Variants in NPAS2 observed in about 807,000 individuals in gnomAD.
NPAS2 encodes neuronal PAS domain-containing protein 2.
NPAS2 carries 23 observed loss-of-function variants against 107.5 expected under a neutral mutation model. The observed-to-expected ratio is 0.21, with a 90% confidence interval of 0.15 to 0.30. The LOEUF (loss-of-function observed/expected upper bound fraction) is 0.30, where lower values mean the gene tolerates loss of function less well. Ranked by LOEUF, NPAS2 falls within the 10% of genes least tolerant of loss-of-function variation. The pLI, the probability that NPAS2 is intolerant of heterozygous loss-of-function variation, is 1.00. For synonymous variants in NPAS2, 403 were observed against 417.5 expected (o/e 0.97, Z 0.42); for missense variants, 756 against 1,043.3 (o/e 0.72, Z 3.79).
rs940989938 is a variant in NPAS2 at position 100,964,052 on chromosome 2, C to G, written c.599-6C>G. On this transcript the variant is annotated splice_polypyrimidine_tract_variant and splice_region_variant and intron_variant, in intron 7 of 20. Coordinates refer to ENST00000335681, the MANE Select transcript of NPAS2 (RefSeq NM_002518.4). ...CCTATGTGTCCTCTTCTTCCCAACCCCCCAGTGCCTAGCCCCTCCTGTAAT... is the reference window on the plus strand; with the variant it reads ...CCTATGTGTCCTCTTCTTCCCAACCGCCCAGTGCCTAGCCCCTCCTGTAAT... The G allele has an allele frequency of 1.3e-6, 2 of 1,596,978 alleles. No individual in the cohort carries two copies. The highest frequency in any genetic ancestry group is 8.6e-7 in the Non-Finnish European group (1 of 1,164,268).
In NPAS2 at chr2:100,968,054, A is replaced by G. The variant is rs1676333522; in HGVS notation, c.908-227A>G. ...CTGCCCTTATCTGAGGATCTCTTTAAGCGTCTGAGCATTTGGGAAAGTATA... is the reference window on the plus strand; with the variant it reads ...CTGCCCTTATCTGAGGATCTCTTTAGGCGTCTGAGCATTTGGGAAAGTATA... On this transcript the variant is annotated intron_variant, in intron 10 of 20. Coordinates refer to ENST00000335681, the MANE Select transcript of NPAS2 (RefSeq NM_002518.4). This position sits in a 1 kb window ranked among gnomAD's most constrained non-coding sequence, Gnocchi z 5.3. Among the ~76,000 whole-genome samples the G allele has an allele frequency of 6.6e-6, 1 of 152,186 alleles. No homozygotes were observed. The highest frequency in any genetic ancestry group is 1.5e-5 in the Non-Finnish European group (1 of 68,036).
In NPAS2 at chr2:100,935,343, C is replaced by T. The variant is rs144151550; in HGVS notation, c.273+2342C>T. On this transcript the variant is annotated intron_variant, in intron 4 of 20. Transcript: ENST00000335681. Reference sequence around the variant, plus strand: ...AGGAATTTGCAGAAAGGGAAGGTTTCGTTTCCCTCTAATGTGTGGCGGTTA... The same window carrying T: ...AGGAATTTGCAGAAAGGGAAGGTTTTGTTTCCCTCTAATGTGTGGCGGTTA... Among the ~76,000 whole-genome samples, 91 of 152,348 alleles carry T rather than the reference C, an allele frequency of 6.0e-4. No individual in the cohort carries two copies. The East Asian group carries it at 0.014, about 23-fold the overall frequency.
chr2:100,903,035 T>G (rs1037640868), intron 1 of NPAS2, among the ~76,000 whole-genome samples: 10 of 152,220 alleles, frequency 6.6e-5, no homozygotes, highest in Non-Finnish European at 1.5e-4. Flanking sequence ...ATTAGTCATT[T>G]TTAGATGTTT....
chr2:100,908,588 C>T (rs1221347716), intron 2 of NPAS2, among the ~76,000 whole-genome samples: 1 of 152,274 alleles, frequency 6.6e-6, no homozygotes, highest in East Asian at 1.9e-4. Context: ...GATAGGAATT[C>T]TTGCTTTCCA....
intron 1 of NPAS2, among the ~76,000 whole-genome samples, chr2:100,833,542 G>C (rs950052230): frequency 3.3e-5 from 5 of 152,162 alleles, no homozygotes; most frequent in African/African-American, 1.2e-4. Flanking sequence ...AACATGAAGT[G>C]GGGGAAGTGA....
intron 16 of NPAS2, chr2:100,982,603 A>T: frequency 1.7e-6 from 1 of 575,394 alleles, no homozygotes; most frequent in Non-Finnish European, 3.1e-6. Flanking sequence ...CTCGCCCCTC[A>T]CTCTGACAGG....
intron 1 of NPAS2, among the ~76,000 whole-genome samples, chr2:100,841,390 G>A (rs1247526036): frequency 3.3e-5 from 5 of 152,158 alleles, no homozygotes; most frequent in Non-Finnish European, 4.4e-5. Flanking sequence ...GCAGTGAGCC[G>A]AGATTGCGCC....
intron 1 of NPAS2, among the ~76,000 whole-genome samples, chr2:100,826,708 G>C (rs561743886): frequency 7.6e-6 from 1 of 130,978 alleles, no homozygotes; most frequent in South Asian, 2.2e-4. Context: ...CTAGGTCAGG[G>C]ATTATTAGGC....
intron 19 of NPAS2, 139 bp from the exon 20 acceptor site, chr2:100,993,208 C>G: frequency 1.4e-6 from 1 of 698,420 alleles, no homozygotes; most frequent in Non-Finnish European, 2.3e-6. Context: ...GCTGGGATTA[C>G]AGGCATGAGC....
rs775627943 is a variant in NPAS2, at chr2:100,988,286, C to A, written c.1827+10C>A. ...TGTGATATCAACCCAGGTAAATGTG[C>A]TCCTTGCCAGCTTCACTCCTTGCCT... On this transcript the variant is annotated intron_variant, in intron 17 of 20. Coordinates refer to ENST00000335681, the MANE Select transcript of NPAS2 (RefSeq NM_002518.4). The A allele has an allele frequency of 3.7e-6, 6 of 1,610,152 alleles. No homozygotes were observed.
chr2:100,822,565 A>AT (rs1203742901), intron 1 of NPAS2: 1 of 152,220 alleles, frequency 6.6e-6, no homozygotes, highest in East Asian at 1.9e-4. Context: ...CTGAAAGTTA[A>AT]TTTTTTCAGA....
intron 1 of NPAS2, among the ~76,000 whole-genome samples, chr2:100,843,538 A>G (rs903911681): frequency 2.2e-4 from 33 of 152,120 alleles, no homozygotes; most frequent in African/African-American, 7.5e-4. Context: ...TTTCACTGCA[A>G]GTTTTCAGTA....
intron 15 of NPAS2, among the ~76,000 whole-genome samples, chr2:100,979,659 A>T (rs574989177): frequency 2.0e-4 from 30 of 151,644 alleles, no homozygotes; most frequent in African/African-American, 6.5e-4. Context: ...GATTACAGGA[A>T]TGCACCACTA....
chr2:100,831,128 C>A (rs1480342507), intron 1 of NPAS2, among the ~76,000 whole-genome samples: 1 of 151,950 alleles, frequency 6.6e-6, no homozygotes, highest in Non-Finnish European at 1.5e-5. Context: ...GGTGAAACCG[C>A]TTCTGTACTA....
chr2:100,852,807 C>T (rs1291431225), intron 1 of NPAS2, among the ~76,000 whole-genome samples: 3 of 152,160 alleles, frequency 2.0e-5, no homozygotes, highest in African/African-American at 7.2e-5. Flanking sequence ...TGCCTGCCCC[C>T]TGCACAGGCA....
intron 1 of NPAS2, chr2:100,878,582 C>T (rs917903266): frequency 1.5e-5 from 15 of 985,376 alleles, no homozygotes; most frequent in Non-Finnish European, 1.7e-5. Context: ...GTGTGTGGTA[C>T]ATTAAGTTCA....
In NPAS2 at chr2:100,820,891, CTGGG is replaced by C. The variant is rs1344639540; in HGVS notation, c.-23+479_-23+482del. ...CTGGGCCCGCGGTCTCTCGGAGTCC[CTGGG>C]TCGGAATTGGTTCCGGGCCGGATTG... On this transcript the variant is annotated intron_variant, in intron 1 of 20. Coordinates refer to ENST00000335681, the MANE Select transcript of NPAS2 (RefSeq NM_002518.4). This position sits in a 1 kb window ranked among gnomAD's most constrained non-coding sequence, Gnocchi z 5.6. 2.1e-6 allele frequency: 1 copy of C among 469,266 alleles called. No homozygotes were observed. Among genetic ancestry groups the C allele is most frequent in the Non-Finnish European group, 3.6e-6 (1 of 274,886 alleles). The allele number at this position is 469,266 out of a possible 1,614,324, so 29.1% of individuals were successfully genotyped here. A position where few individuals can be genotyped will look rare whatever the true frequency, so the allele number is the denominator to read the frequency against.
intron 1 of NPAS2, among the ~76,000 whole-genome samples, chr2:100,870,744 T>C (rs1679532488): frequency 6.6e-6 from 1 of 152,174 alleles, no homozygotes; most frequent in Non-Finnish European, 1.5e-5. Context: ...CCCTTCTTCT[T>C]CCATGTTGTC....
At chr2:100,865,569 A>G (rs140855384) in intron 1 of NPAS2, among the ~76,000 whole-genome samples, 75 of 152,310 alleles carry the variant, frequency 4.9e-4, no homozygotes, top group African/African-American at 1.8e-3. Context: ...AATCACCACC[A>G]TGACTTCTAG....
Sources: gnomAD v4.1 joint callset for allele counts (sites outside exome capture counted in the v4.1 genomes callset) on GRCh38, gnomAD v4.1.1 for gene constraint, Gnocchi (gnomAD v3.1) non-coding constraint, MANE v1.5 for transcripts, NCBI Gene and HGNC (gene_info 2026-07-23, HGNC 2026-07-21) for gene names.